The following LARP1 variants were observed in gnomAD, a reference collection of about 807,000 sequenced individuals.
LARP1 encodes la-related protein 1.
LARP1 carries 36 observed loss-of-function variants against 122.7 expected under a neutral mutation model. The observed-to-expected ratio is 0.29, with a 90% CI of 0.22 to 0.39. LARP1 has a LOEUF of 0.39. Among genes scored for constraint, LARP1 ranks in the 10% least tolerant of loss-of-function variants. LARP1 has a pLI of 1.00. For missense variants in LARP1, 1,040 were observed against 1,403.6 expected (o/e 0.74, Z 4.14); for synonymous variants, 539 against 528.7 (o/e 1.02, Z -0.27).
chr5:154,732,031 A>G (rs1756604168), intron 1 of LARP1, among the ~76,000 whole-genome samples: 1 of 151,376 alleles, frequency 6.6e-6, no homozygotes, highest in East Asian at 2.0e-4. Context: ...AAAAAAAAAA[A>G]AAAAATTAGC....
Position 154,756,350 on chromosome 5 carries a change from C to T in LARP1, c.436+157C>T, listed in dbSNP as rs1002270655. 1.7e-5 allele frequency: 16 copies of T among 952,568 alleles called. No homozygotes were observed. In the East Asian group the frequency reaches 1.6e-3, roughly 95 times the overall value. 59.0% of individuals were successfully genotyped at this position (952,568 alleles called of 1,614,324 possible). On this transcript the variant is annotated intron_variant, in intron 1 of 18. Coordinates refer to ENST00000518297, the MANE Select transcript of LARP1 (RefSeq NM_033551.3). ...CCTGGTTGATCCTGGTCGCCGCGCCCTCCCCCCCACCGTACACTCAGGGAC... is the reference window on the plus strand; with the variant it reads ...CCTGGTTGATCCTGGTCGCCGCGCCTTCCCCCCCACCGTACACTCAGGGAC...
chr5:154,799,642 A>G lies in LARP1; in HGVS notation c.1429A>G (p.Arg477Gly). The G allele has an allele frequency of 1.2e-6, 2 of 1,614,178 alleles. No homozygotes were observed. Among genetic ancestry groups the G allele is most frequent in the Non-Finnish European group, 1.7e-6 (2 of 1,180,038 alleles). The change falls in exon 9 of 19, where the codon AGG (arginine) becomes GGG (glycine). Residue 477 changes from arginine to glycine, a missense_variant. Arg to Gly is a moderately radical substitution (Grantham distance 125). Transcript: ENST00000518297. ...GATCGTTGATGAGAAAGTTCGTAGG[A>G]GGGAGGAACCAGAAAAGTGGCCTCT... ...VEIVDEKVRR[R>G]EEPEKWPLPP...
At chr5:154,703,259 C>T (rs766592152) in intron 1 of LARP1, among the ~76,000 whole-genome samples, 7 of 151,762 alleles carry the variant, frequency 4.6e-5, no homozygotes, top group African/African-American at 9.7e-5. Flanking sequence ...CTGCGCTGGG[C>T]GTTAGCAAAC....
rs148139650 is a variant in LARP1 at position 154,716,383 on chromosome 5, A to G, written c.205+3253A>G. ...TGATCTGCCCGCCTCAGCCTCCCAA[A>G]GTGCTAGGATTACAGGCATAAGCCA... On this transcript the variant is annotated intron_variant, in intron 1 of 18. Transcript: ENST00000336314. Among the ~76,000 whole-genome samples, 370 of 151,960 alleles carry G rather than the reference A, an allele frequency of 2.4e-3. 2 individuals carry two copies. Among genetic ancestry groups the G allele is most frequent in the African/African-American group, 7.8e-3 (325 of 41,422 alleles).
chr5:154,693,072 G>A (rs918729281), intron 1 of LARP1, among the ~76,000 whole-genome samples: 5 of 147,798 alleles, frequency 3.4e-5, no homozygotes, highest in African/African-American at 1.0e-4. Context: ...GGATCCTCCT[G>A]CCTCAGCCTC....
chr5:154,757,203 A>G (rs990437041), intron 1 of LARP1: 2 of 150,724 alleles, frequency 1.3e-5, no homozygotes, highest in African/African-American at 4.9e-5. Context: ...GGGGAGCGGC[A>G]TGTGACTGCC....
chr5:154,712,582 C>T (rs1459973011), upstream of LARP1, among the ~76,000 whole-genome samples: 2 of 152,184 alleles, frequency 1.3e-5, no homozygotes, highest in African/African-American at 2.4e-5. Context: ...TTTTGCTCTT[C>T]CTTTAGCCCC....
At chr5:154,718,118 C>T (rs1451091988) in intron 1 of LARP1, among the ~76,000 whole-genome samples, 1 of 151,956 alleles carries the variant, frequency 6.6e-6, no homozygotes, top group East Asian at 1.9e-4. Context: ...AACGGGGTCT[C>T]ACTTTGTTGC....
intron 1 of LARP1, among the ~76,000 whole-genome samples, chr5:154,787,836 G>A (rs1757010138): frequency 6.6e-6 from 1 of 152,192 alleles, no homozygotes; most frequent in South Asian, 2.1e-4. Context: ...TCATCAGCTT[G>A]GGATTGGTGG....
At chr5:154,797,842 G>A (rs902665431) in intron 8 of LARP1, among the ~76,000 whole-genome samples, 1 of 152,020 alleles carries the variant, frequency 6.6e-6, no homozygotes, top group African/African-American at 2.4e-5. Context: ...TGCACACCAC[G>A]TGTGGCTAAT....
chr5:154,698,280 T>C (rs1339720773), intron 1 of LARP1, among the ~76,000 whole-genome samples: 3 of 152,192 alleles, frequency 2.0e-5, no homozygotes, highest in Non-Finnish European at 2.9e-5. Context: ...GGGATTCTTT[T>C]TGAGGTGATG....
At chr5:154,760,649 C>T (rs565735146) in intron 1 of LARP1, among the ~76,000 whole-genome samples, 1 of 152,260 alleles carries the variant, frequency 6.6e-6, no homozygotes, top group South Asian at 2.1e-4. Flanking sequence ...TCTAACAGAA[C>T]CATAGATCCA....
intron 15 of LARP1, among the ~76,000 whole-genome samples, chr5:154,807,688 C>G (rs1464658942): frequency 6.6e-6 from 1 of 152,106 alleles, no homozygotes; most frequent in Non-Finnish European, 1.5e-5. Context: ...GTAGCTGGGA[C>G]TACAGGCATG....
At chr5:154,738,900 C>T (rs1251524777) in intron 1 of LARP1, among the ~76,000 whole-genome samples, 1 of 151,604 alleles carries the variant, frequency 6.6e-6, no homozygotes, top group Non-Finnish European at 1.5e-5. Context: ...CCAGCCTGGA[C>T]AAGAAAGAAA....
intron 16 of LARP1, 110 bp from the exon 17 acceptor site, chr5:154,811,137 C>A: frequency 1.3e-6 from 1 of 772,556 alleles, no homozygotes; most frequent in Non-Finnish European, 2.1e-6. Context: ...TTTTTCAATA[C>A]AGAAATAACA....
At position 154,719,851 on chromosome 5, in the gene LARP1, G is replaced by A. The variant is rs1022692657; in HGVS notation, c.205+6721G>A. ...CACTCCAGCCTGGGTGACAAAGTGA[G>A]ACTCTGTCTCAAAAAAAAAAAAAAA... On this transcript the variant is annotated intron_variant, in intron 1 of 18. Coordinates refer to the LARP1 transcript ENST00000336314. Among the ~76,000 whole-genome samples the A allele has an allele frequency of 3.1e-5, 4 of 130,994 alleles. No individual in the cohort carries two copies. The Admixed American group carries it at 3.2e-4, about 11-fold the overall frequency. 85.9% of individuals were successfully genotyped at this position (130,994 alleles called of 152,430 possible).
intron 1 of LARP1, among the ~76,000 whole-genome samples, chr5:154,741,069 T>C (rs143593850): frequency 6.6e-6 from 1 of 152,218 alleles, no homozygotes; most frequent in East Asian, 1.9e-4. Flanking sequence ...TGGTCCCCAG[T>C]CCAGGGACTG....
intron 1 of LARP1, among the ~76,000 whole-genome samples, chr5:154,703,431 T>C (rs1292296178): frequency 6.6e-6 from 1 of 152,008 alleles, no homozygotes; most frequent in African/African-American, 2.4e-5. Context: ...ATTTTGACTG[T>C]GGCCATTTTT....
chr5:154,808,376 G>C (rs1758968309), intron 15 of LARP1, 83 bp from the exon 16 acceptor site: 2 of 1,525,068 alleles, frequency 1.3e-6, no homozygotes, highest in African/African-American at 2.8e-5. Flanking sequence ...AAAGGACCAA[G>C]TCTTAAGTTC....
Sources: allele counts gnomAD v4.1 joint callset (sites outside exome capture counted in the v4.1 genomes callset), GRCh38; gene constraint gnomAD v4.1.1; transcripts MANE v1.5; gene names NCBI Gene and HGNC (gene_info 2026-07-23, HGNC 2026-07-21).